Variants in RGS7BP observed in about 807,000 individuals in gnomAD.
RGS7BP encodes regulator of G protein signaling 7 binding protein.
RGS7BP carries 9 observed loss-of-function variants against 31.3 expected under a neutral mutation model. That is an observed-to-expected ratio of 0.29 (90% CI 0.17 to 0.50). The LOEUF is 0.50. Among genes scored for constraint, RGS7BP ranks in the 20% least tolerant of loss-of-function variants. The probability of loss-of-function intolerance (pLI) is 0.98; values close to 1 mark genes in which losing one functional copy is unlikely to be tolerated. For synonymous variants in RGS7BP, 115 were observed against 120.1 expected (o/e 0.96, Z 0.28); for missense variants, 274 against 322.0 (o/e 0.85, Z 1.14).
intron 3 of RGS7BP, among the ~76,000 whole-genome samples, chr5:64,576,874 AT>A (rs1742446049): frequency 6.6e-6 from 1 of 152,178 alleles, no homozygotes; most frequent in African/African-American, 2.4e-5. Flanking sequence ...AACTTCTAGA[AT>A]ACAGTGTTTT....
intron 3 of RGS7BP, among the ~76,000 whole-genome samples, chr5:64,586,739 G>A (rs954828325): frequency 2.0e-5 from 3 of 152,164 alleles, no homozygotes; most frequent in Non-Finnish European, 2.9e-5. Context: ...TCAATTAATG[G>A]TTATTGAATA....
chr5:64,548,119 A>G (rs1021724761), intron 2 of RGS7BP, among the ~76,000 whole-genome samples: 4 of 152,150 alleles, frequency 2.6e-5, no homozygotes, highest in African/African-American at 9.6e-5. Flanking sequence ...ATCTAACAAT[A>G]TAACTTATTG....
rs1743506037 is a variant in RGS7BP, at chr5:64,611,636, C to A, written c.*2384C>A. 6.6e-6 allele frequency: 1 copy of A among 152,240 alleles called. No homozygotes were observed. The highest frequency in any genetic ancestry group is 6.6e-5 in the Admixed American group (1 of 15,190). The allele number at this position is 152,240 out of a possible 1,614,324, so 9.4% of individuals were successfully genotyped here. A position where few individuals can be genotyped will look rare whatever the true frequency, so the allele number is the denominator to read the frequency against. ...ATATTCAGCTACCGTATCTTTTATT[C>A]ATAGTGCCTGTTTTCCAGCCTTTGA... On this transcript the variant is annotated 3_prime_UTR_variant, in exon 6 of 6. Transcript: ENST00000334025.
chr5:64,590,211 G>A (rs1053249346), intron 3 of RGS7BP, among the ~76,000 whole-genome samples: 2 of 151,938 alleles, frequency 1.3e-5, no homozygotes, highest in East Asian at 3.9e-4. Context: ...CAGCCAGTTA[G>A]AATCTAAGTG....
chr5:64,529,617 G>C (rs73109062), intron 2 of RGS7BP, among the ~76,000 whole-genome samples: 3,430 of 152,272 alleles, frequency 0.023, 74 homozygotes, highest in African/African-American at 0.057. Flanking sequence ...TCTTGGTCTG[G>C]GGCATGGCCT....
intron 2 of RGS7BP, among the ~76,000 whole-genome samples, chr5:64,513,708 G>A (rs540528536): frequency 5.3e-5 from 8 of 152,304 alleles, no homozygotes; most frequent in East Asian, 1.9e-4. Flanking sequence ...AGCCTCTGCC[G>A]TTAGTAAAAG....
chr5:64,559,905 C>G (rs1427439530), intron 2 of RGS7BP, among the ~76,000 whole-genome samples: 1 of 152,116 alleles, frequency 6.6e-6, no homozygotes, highest in Admixed American at 6.6e-5. Context: ...AAAGGCCCTC[C>G]TCAAACTAGT....
chr5:64,522,057 G>A (rs895930166), intron 2 of RGS7BP, among the ~76,000 whole-genome samples: 6 of 152,180 alleles, frequency 3.9e-5, no homozygotes, highest in African/African-American at 1.4e-4. Context: ...AAAAATAGTG[G>A]CCAGTGTAGA....
intron 2 of RGS7BP, among the ~76,000 whole-genome samples, chr5:64,517,762 A>G (rs1295477511): frequency 6.6e-6 from 1 of 152,218 alleles, no homozygotes; most frequent in African/African-American, 2.4e-5. Flanking sequence ...CTGGGAAGGC[A>G]GGAAGTTAGG....
intron 2 of RGS7BP, among the ~76,000 whole-genome samples, chr5:64,548,311 AAT>A (rs1270773954): frequency 6.6e-6 from 1 of 152,184 alleles, no homozygotes; most frequent in Non-Finnish European, 1.5e-5. Context: ...ACTAGAAAAT[AAT>A]AGAGACACAT....
chr5:64,559,481 C>T (rs1411682924), intron 2 of RGS7BP, among the ~76,000 whole-genome samples: 7 of 152,106 alleles, frequency 4.6e-5, no homozygotes, highest in African/African-American at 1.7e-4. Flanking sequence ...TTACTTATTT[C>T]CTTTGGATGT....
intron 2 of RGS7BP, among the ~76,000 whole-genome samples, chr5:64,567,428 T>TA (rs1167671435): frequency 6.6e-6 from 1 of 152,192 alleles, no homozygotes; most frequent in Non-Finnish European, 1.5e-5. Flanking sequence ...TTCTTTAAAT[T>TA]AAAATCTCTC....
At chr5:64,603,248 C>T (rs570927301) in intron 5 of RGS7BP, among the ~76,000 whole-genome samples, 1 of 152,200 alleles carries the variant, frequency 6.6e-6, no homozygotes, top group South Asian at 2.1e-4. Flanking sequence ...GAAGCAGAAT[C>T]AAGGAAGAAA....
intron 2 of RGS7BP, among the ~76,000 whole-genome samples, chr5:64,559,649 A>T (rs1182946397): frequency 1.3e-5 from 2 of 152,180 alleles, no homozygotes; most frequent in African/African-American, 4.8e-5. Context: ...CAGAGGAAGG[A>T]GGAGGACTAT....
Position 64,506,543 on chromosome 5 carries a change from G to A in RGS7BP, c.-82G>A. 1.5e-6 allele frequency: 2 copies of A among 1,316,970 alleles called. No homozygotes were observed. Among genetic ancestry groups the A allele is most frequent in the South Asian group, 1.4e-5 (1 of 69,946 alleles). The allele number at this position is 1,316,970 out of a possible 1,614,324, so 81.6% of individuals were successfully genotyped here. On this transcript the variant is annotated 5_prime_UTR_variant, in exon 1 of 6. Transcript: ENST00000334025. This position sits in a 1 kb window ranked among gnomAD's most constrained non-coding sequence, Gnocchi z 4.6. ...CTCAGGTCCGGGCTCCGGCTGCTTG[G>A]CGGCGGCGCCCAGGGCAACAACCGG...
At chr5:64,518,424 A>G (rs1749028149) in intron 2 of RGS7BP, among the ~76,000 whole-genome samples, 1 of 152,164 alleles carries the variant, frequency 6.6e-6, no homozygotes, top group Non-Finnish European at 1.5e-5. Flanking sequence ...TCAGATAGTG[A>G]TAAATGCAGT....
chr5:64,535,943 G>C (rs1741339252), intron 2 of RGS7BP, among the ~76,000 whole-genome samples: 2 of 152,170 alleles, frequency 1.3e-5, no homozygotes, highest in South Asian at 4.1e-4. Context: ...TTAGTTGTCT[G>C]GGGTGTCTAT....
intron 2 of RGS7BP, among the ~76,000 whole-genome samples, chr5:64,514,691 G>A (rs1748924554): frequency 6.6e-6 from 1 of 152,144 alleles, no homozygotes; most frequent in African/African-American, 2.4e-5. Context: ...GGGAGAGCTG[G>A]TGAGGCATCT....
At chr5:64,512,289 A>T (rs544166127) in intron 2 of RGS7BP, among the ~76,000 whole-genome samples, 7 of 152,308 alleles carry the variant, frequency 4.6e-5, no homozygotes, top group Non-Finnish European at 8.8e-5. Context: ...GTGTGATGGG[A>T]AAGAGCACTG....
Sources: allele counts gnomAD v4.1 joint callset (sites outside exome capture counted in the v4.1 genomes callset), GRCh38; gene constraint gnomAD v4.1.1; non-coding constraint Gnocchi (gnomAD v3.1); transcripts MANE v1.5; gene names NCBI Gene and HGNC (gene_info 2026-07-23, HGNC 2026-07-21).